The following BTBD10 variants were observed in gnomAD, a reference collection of about 807,000 sequenced individuals.
BTBD10 encodes BTB/POZ domain-containing protein 10.
A neutral mutation model predicts 53.2 loss-of-function variants in BTBD10; 21 were observed. That is an observed-to-expected ratio of 0.39 (90% CI 0.28 to 0.57). The LOEUF (loss-of-function observed/expected upper bound fraction) is 0.57, where lower values mean the gene tolerates loss of function less well. Among genes scored for constraint, BTBD10 ranks in the 20% least tolerant of loss-of-function variants. The pLI is 0.53. For missense variants in BTBD10, 360 were observed against 594.7 expected (o/e 0.61, Z 4.10); for synonymous variants, 149 against 192.7 (o/e 0.77, Z 1.88).
chr11:13,446,327 T>G (rs369781008), intron 1 of BTBD10, among the ~76,000 whole-genome samples: 13 of 152,240 alleles, frequency 8.5e-5, no homozygotes, highest in Middle Eastern at 3.4e-3. Context: ...TTTCCTGAGT[T>G]TTACACAGTA....
At chr11:13,402,999 C>A (rs764539207) in intron 8 of BTBD10, among the ~76,000 whole-genome samples, 169 bp downstream of exon 8, 1 of 152,118 alleles carries the variant, frequency 6.6e-6, no homozygotes, top group Non-Finnish European at 1.5e-5. Flanking sequence ...TATCTGTCTT[C>A]TAAGTGCAGC....
chr11:13,456,465 G>T (rs1366593220), intron 1 of BTBD10, among the ~76,000 whole-genome samples: 1 of 152,096 alleles, frequency 6.6e-6, no homozygotes, highest in Non-Finnish European at 1.5e-5. Context: ...GTAAAAACTG[G>T]AATCATACAA....
intron 6 of BTBD10, among the ~76,000 whole-genome samples, chr11:13,409,466 A>G (rs1218658911): frequency 2.0e-5 from 3 of 152,198 alleles, no homozygotes; most frequent in Non-Finnish European, 4.4e-5. Flanking sequence ...GAGTCATTAA[A>G]TATTTGTTTA....
chr11:13,423,804 A>G (rs944107362), intron 2 of BTBD10, among the ~76,000 whole-genome samples: 4 of 152,222 alleles, frequency 2.6e-5, no homozygotes, highest in South Asian at 2.1e-4. Context: ...AGGACAGAAG[A>G]TAAAGTTGAC....
chr11:13,439,878 A>G, intron 2 of BTBD10: 3 of 1,520,728 alleles, frequency 2.0e-6, no homozygotes, highest in Non-Finnish European at 2.6e-6. Context: ...ATAAATGAAT[A>G]CACACCTTCC....
chr11:13,406,180 C>T (rs1233561049), intron 6 of BTBD10, among the ~76,000 whole-genome samples: 2 of 152,116 alleles, frequency 1.3e-5, no homozygotes, highest in Admixed American at 6.5e-5. Context: ...TGCATGCTCT[C>T]CTTCTCCAAA....
intron 1 of BTBD10, among the ~76,000 whole-genome samples, chr11:13,447,447 A>G (rs974554550): frequency 6.6e-6 from 1 of 152,174 alleles, no homozygotes; most frequent in African/African-American, 2.4e-5. Context: ...TTCCTTAACT[A>G]TCAGATACTC....
At chr11:13,453,177 T>C (rs1037807694) in intron 1 of BTBD10, among the ~76,000 whole-genome samples, 1 of 152,000 alleles carries the variant, frequency 6.6e-6, no homozygotes, top group Non-Finnish European at 1.5e-5. Flanking sequence ...GATATATAGA[T>C]ACAGATACAG....
At position 13,413,612 on chromosome 11, in the gene BTBD10, G is replaced by T; in HGVS notation, c.726C>A (p.Gly242=). 6.2e-7 allele frequency: 1 copy of T among 1,611,384 alleles called. No homozygotes were observed. The highest frequency in any genetic ancestry group is 8.5e-7 in the Non-Finnish European group (1 of 1,178,258). Residue 242 remains glycine, a synonymous_variant, in exon 6 of 9, where the codon GGC becomes GGA. Coordinates refer to ENST00000278174, the MANE Select transcript of BTBD10 (RefSeq NM_032320.7). The stretch of plus-strand genomic sequence containing the variant: ...CTTCTCTCAGTTCAGGAATAGATAT[G>T]CCATCAGGACAACGGATTATTCCTG... ...YKTGIIRCPD[G]ISIPELREAC... is the part of the protein sequence containing the mutation.
intron 1 of BTBD10, among the ~76,000 whole-genome samples, chr11:13,457,121 C>T (rs1950986251): frequency 6.6e-6 from 1 of 151,930 alleles, no homozygotes. Context: ...GTGATCATGC[C>T]ACTGCACTCC....
chr11:13,433,704 T>G (rs1950496470), intron 2 of BTBD10, among the ~76,000 whole-genome samples: 1 of 152,198 alleles, frequency 6.6e-6, no homozygotes, highest in South Asian at 2.1e-4. Flanking sequence ...TGTTCATGGC[T>G]GTTTTCATGC....
intron 4 of BTBD10, 66 bp from the exon 5 acceptor site, chr11:13,417,326 C>A (rs1338407490): frequency 1.7e-6 from 2 of 1,173,482 alleles, no homozygotes; most frequent in Admixed American, 2.4e-5. Flanking sequence ...AAATAGATTT[C>A]ATGTACAAAA....
chr11:13,442,865 C>T (rs1038558922), intron 2 of BTBD10, among the ~76,000 whole-genome samples: 1 of 152,084 alleles, frequency 6.6e-6, no homozygotes, highest in Non-Finnish European at 1.5e-5. Context: ...TCAAATCATA[C>T]TTTTTAAGTG....
chr11:13,420,586 A>T (rs1426364648), intron 3 of BTBD10, among the ~76,000 whole-genome samples: 3 of 152,150 alleles, frequency 2.0e-5, no homozygotes, highest in African/African-American at 7.2e-5. Flanking sequence ...AAGGTGACCT[A>T]AAAATGTACC....
intron 8 of BTBD10, among the ~76,000 whole-genome samples, chr11:13,396,005 T>C (rs1260372065): frequency 1.3e-5 from 2 of 152,168 alleles, no homozygotes; most frequent in African/African-American, 2.4e-5. Flanking sequence ...TGGCTTAGGA[T>C]TGACTTGGCA....
intron 5 of BTBD10, among the ~76,000 whole-genome samples, chr11:13,416,889 G>T (rs1201468018): frequency 6.6e-6 from 1 of 152,144 alleles, no homozygotes; most frequent in Non-Finnish European, 1.5e-5. Context: ...GAGGTGTGTG[G>T]CAGGAGGATT....
intron 2 of BTBD10, among the ~76,000 whole-genome samples, chr11:13,428,701 G>A (rs777239121): frequency 6.6e-6 from 1 of 152,000 alleles, no homozygotes; most frequent in Non-Finnish European, 1.5e-5. Flanking sequence ...AAGACCAAAT[G>A]CTCTCCATCT....
At chr11:13,448,200 G>T (rs1164928001) in intron 1 of BTBD10, among the ~76,000 whole-genome samples, 1 of 151,896 alleles carries the variant, frequency 6.6e-6, no homozygotes, top group African/African-American at 2.4e-5. Flanking sequence ...CTTAGAAAGG[G>T]GAAAAAAGAC....
rs115214620 is a variant in BTBD10 at position 13,457,373 on chromosome 11, G to A, written c.-58+5719C>T. Among the ~76,000 whole-genome samples the A allele has an allele frequency of 2.3e-3, 356 of 152,010 alleles. 1 individual carries two copies. Among genetic ancestry groups the A allele is most frequent in the African/African-American group, 7.7e-3 (319 of 41,460 alleles). ...GTAATGGTAAAAGACTAAAACAATC[G>A]GAATGTGCATCAAAAGGAGTTAACT... On this transcript the variant is annotated intron_variant, in intron 1 of 8. Transcript: ENST00000278174.
Sources: gnomAD v4.1 joint callset for allele counts (sites outside exome capture counted in the v4.1 genomes callset) on GRCh38, gnomAD v4.1.1 for gene constraint, MANE v1.5 for transcripts, NCBI Gene and HGNC (gene_info 2026-07-23, HGNC 2026-07-21) for gene names.